The following PDE8A variants were observed in gnomAD, a reference collection of about 807,000 sequenced individuals.
PDE8A encodes the protein high affinity cAMP-specific and IBMX-insensitive 3',5'-cyclic phosphodiesterase 8A.
PDE8A carries 59 observed loss-of-function variants against 105.0 expected under a neutral mutation model. The observed-to-expected ratio is 0.56, with a 90% CI of 0.46 to 0.70. PDE8A has a LOEUF of 0.70. Among genes scored for constraint, PDE8A ranks in the 30% least tolerant of loss-of-function variants. The pLI is 0.00. For synonymous variants in PDE8A, 355 were observed against 371.9 expected (o/e 0.95, Z 0.52); for missense variants, 1,014 against 1,045.9 (o/e 0.97, Z 0.42).
intron 1 of PDE8A, among the ~76,000 whole-genome samples, chr15:85,032,479 C>T (rs889820232): frequency 6.6e-6 from 1 of 152,124 alleles, no homozygotes; most frequent in Non-Finnish European, 1.5e-5. Context: ...TTTTAAAGAC[C>T]TAGACTTCCT....
intron 1 of PDE8A, among the ~76,000 whole-genome samples, chr15:85,019,950 T>G (rs1376815451): frequency 7.2e-5 from 10 of 138,622 alleles, no homozygotes; most frequent in African/African-American, 1.1e-4. Flanking sequence ...TTGGTTTTTT[T>G]TTTTTTTTTT....
intron 3 of PDE8A, among the ~76,000 whole-genome samples, chr15:85,069,176 T>C (rs1418514733): frequency 6.6e-6 from 1 of 152,216 alleles, no homozygotes; most frequent in Non-Finnish European, 1.5e-5. Context: ...CTATAGTTAA[T>C]CAGAGTTCTT....
chr15:85,016,543 T>C (rs919103515), intron 1 of PDE8A, among the ~76,000 whole-genome samples: 2 of 152,248 alleles, frequency 1.3e-5, no homozygotes, highest in Non-Finnish European at 2.9e-5. Flanking sequence ...ACTACCACAC[T>C]GTTTTAATTA....
At chr15:85,057,930 A>T (rs924185522) in intron 1 of PDE8A, among the ~76,000 whole-genome samples, 1 of 152,092 alleles carries the variant, frequency 6.6e-6, no homozygotes, top group Non-Finnish European at 1.5e-5. Flanking sequence ...ATGCTGCTGA[A>T]TTCAGTTTTC....
intron 1 of PDE8A, among the ~76,000 whole-genome samples, chr15:85,050,867 A>G (rs1001939613): frequency 1.4e-4 from 21 of 152,204 alleles, no homozygotes; most frequent in African/African-American, 4.8e-4. Flanking sequence ...GGATTTTGGT[A>G]AGGATTGCAT....
At chr15:85,049,368 C>G (rs2080936982) in intron 1 of PDE8A, among the ~76,000 whole-genome samples, 1 of 152,138 alleles carries the variant, frequency 6.6e-6, no homozygotes, top group African/African-American at 2.4e-5. Context: ...TTCCCCTTGT[C>G]CCTAGCAAAC....
intron 17 of PDE8A, among the ~76,000 whole-genome samples, chr15:85,119,952 G>A (rs2082155303): frequency 6.6e-6 from 1 of 152,052 alleles, no homozygotes; most frequent in Non-Finnish European, 1.5e-5. Flanking sequence ...TGATAATCCA[G>A]TGTGGCTCTT....
At chr15:85,029,698 T>C (rs1487800982) in intron 1 of PDE8A, among the ~76,000 whole-genome samples, 1 of 152,236 alleles carries the variant, frequency 6.6e-6, no homozygotes, top group Non-Finnish European at 1.5e-5. Flanking sequence ...CTGACACTGC[T>C]GGACTGGACC....
At position 85,041,012 on chromosome 15, in the gene PDE8A, A is replaced by G. The variant is rs537503840; in HGVS notation, c.187-23358A>G. On this transcript the variant is annotated intron_variant, in intron 1 of 21. Transcript: ENST00000394553. Reference sequence around the variant, plus strand: ...TCGTAACCCCCTGCCACCACACATAACCCTAGACAGACATCTTTTCATATG... The same window carrying G: ...TCGTAACCCCCTGCCACCACACATAGCCCTAGACAGACATCTTTTCATATG... Among the ~76,000 whole-genome samples the G allele has an allele frequency of 2.6e-5, 4 of 152,040 alleles. No homozygotes were observed. The South Asian group carries it at 8.3e-4, about 32-fold the overall frequency.
At chr15:85,104,671 A>T (rs2081920776) in intron 11 of PDE8A, among the ~76,000 whole-genome samples, 1 of 152,320 alleles carries the variant, frequency 6.6e-6, no homozygotes, top group East Asian at 1.9e-4. Context: ...ATTAGTTAAA[A>T]TAACAAGTGC....
chr15:85,121,602 T>C (rs2082183396), intron 18 of PDE8A, among the ~76,000 whole-genome samples: 1 of 151,964 alleles, frequency 6.6e-6, no homozygotes, highest in Non-Finnish European at 1.5e-5. Context: ...GCCACAGTGC[T>C]TGGTACATAC....
rs771297594 is a variant in PDE8A, at chr15:85,123,105, T to C, written c.1997T>C (p.Leu666Ser). The change falls in exon 19 of 22, where the codon TTA becomes TCA. Residue 666 changes from leucine (L) to serine (S), a missense_variant. Physicochemically the swap from Leu to Ser is moderately radical, Grantham distance 145. Coordinates refer to ENST00000394553, the MANE Select transcript of PDE8A (RefSeq NM_002605.3). ...CGCCAGGGGATTATCGACATGGTCT[T>C]AGCCACAGAAATGACAAAGCACTTT... The part of the protein sequence containing the change: ...TLRQGIIDMV[L>S]ATEMTKHFEH... 6.2e-7 allele frequency: 1 copy of C among 1,614,078 alleles called. No individual in the cohort carries two copies. The highest frequency in any genetic ancestry group is 8.5e-7 in the Non-Finnish European group (1 of 1,179,956).
At chr15:85,098,857 C>T (rs1264410113) in intron 9 of PDE8A, among the ~76,000 whole-genome samples, 2 of 151,372 alleles carry the variant, frequency 1.3e-5, no homozygotes, top group Admixed American at 6.6e-5. Flanking sequence ...TTCAGGGGGC[C>T]GATGTGGGAG....
At chr15:85,100,279 C>G in intron 11 of PDE8A, 81 bp downstream of exon 11, 1 of 1,233,734 alleles carries the variant, frequency 8.1e-7, no homozygotes, top group Non-Finnish European at 1.2e-6. Context: ...ACTAGCTTGC[C>G]TGGTGTAATG....
intron 1 of PDE8A, among the ~76,000 whole-genome samples, chr15:85,004,985 A>AT (rs2080123087): frequency 6.7e-6 from 1 of 149,758 alleles, no homozygotes; most frequent in African/African-American, 2.5e-5. Context: ...AGTCCATATG[A>AT]TTTTTTTTCC....
At position 84,982,138 on chromosome 15, in the gene PDE8A, G is replaced by T; in HGVS notation, c.-25G>T. Reference sequence around the variant, plus strand: ...CTGACCGGATCGCGGCTACCCGCCAGCGTGTCCGCGGCGCCGCCGCCAGCA... The same window carrying T: ...CTGACCGGATCGCGGCTACCCGCCATCGTGTCCGCGGCGCCGCCGCCAGCA... On this transcript the variant is annotated 5_prime_UTR_variant, in exon 1 of 22. Coordinates refer to ENST00000394553, the MANE Select transcript of PDE8A (RefSeq NM_002605.3). 7.7e-7 allele frequency: 1 copy of T among 1,300,040 alleles called. No individual in the cohort carries two copies. 80.5% of individuals were successfully genotyped at this position (1,300,040 alleles called of 1,614,324 possible).
At chr15:85,135,199 A>G (rs931340446) in intron 20 of PDE8A, among the ~76,000 whole-genome samples, 1 of 152,112 alleles carries the variant, frequency 6.6e-6, no homozygotes, top group African/African-American at 2.4e-5. Flanking sequence ...TCTGCTGGCC[A>G]TTTGGGAGCT....
chr15:85,117,960 C>T, intron 17 of PDE8A, 121 bp downstream of exon 17: 1 of 804,166 alleles, frequency 1.2e-6, no homozygotes, highest in Non-Finnish European at 2.1e-6. Context: ...ACAGGAAGGG[C>T]AAGGTCATAC....
chr15:85,130,907 G>A (rs897473829), intron 20 of PDE8A, among the ~76,000 whole-genome samples: 15 of 152,134 alleles, frequency 9.9e-5, no homozygotes, highest in Middle Eastern at 3.4e-3. Context: ...TTATAGGCAC[G>A]TACCACCATG....
Sources: gnomAD v4.1 joint callset for allele counts (sites outside exome capture counted in the v4.1 genomes callset) on GRCh38, gnomAD v4.1.1 for gene constraint, MANE v1.5 for transcripts, NCBI Gene and HGNC (gene_info 2026-07-23, HGNC 2026-07-21) for gene names.